Variants in MMP16 observed in about 807,000 individuals in gnomAD.
MMP16 encodes matrix metallopeptidase 16, also known as matrix metalloproteinase-16.
MMP16 carries 12 observed loss-of-function variants against 67.8 expected under a neutral mutation model. The ratio of observed to expected loss-of-function variants is 0.18; its 90% CI spans 0.11 to 0.29. The LOEUF (loss-of-function observed/expected upper bound fraction) is 0.29. Among genes scored for constraint, MMP16 ranks in the 10% least tolerant of loss-of-function variants. The pLI, the probability that MMP16 is intolerant of heterozygous loss-of-function variation, is 1.00. For missense variants in MMP16, 475 were observed against 765.7 expected (o/e 0.62, Z 4.48); for synonymous variants, 249 against 255.9 (o/e 0.97, Z 0.26).
intron 3 of MMP16, among the ~76,000 whole-genome samples, chr8:88,173,684 A>G (rs1808841462): frequency 2.0e-5 from 3 of 152,222 alleles, no homozygotes; most frequent in Admixed American, 6.5e-5. Context: ...TATTCTATCC[A>G]AAGAAAATAA....
At chr8:88,319,586 A>G (rs1563594660) in intron 1 of MMP16, among the ~76,000 whole-genome samples, 2 of 152,144 alleles carry the variant, frequency 1.3e-5, no homozygotes, top group Non-Finnish European at 2.9e-5. Flanking sequence ...CATGGTAGGA[A>G]TTCAACTGTG....
intron 1 of MMP16, among the ~76,000 whole-genome samples, chr8:88,274,181 T>C (rs867193066): frequency 1.3e-5 from 2 of 152,142 alleles, no homozygotes; most frequent in Admixed American, 6.5e-5. Context: ...TAAATTTTTT[T>C]TTCAGGTATG....
At chr8:88,082,637 T>C (rs184707340) in intron 6 of MMP16, among the ~76,000 whole-genome samples, 2 of 152,242 alleles carry the variant, frequency 1.3e-5, no homozygotes, top group Admixed American at 1.3e-4. Flanking sequence ...AGATAAAATA[T>C]AGATATTGCT....
At chr8:88,284,677 T>C in intron 1 of MMP16, among the ~76,000 whole-genome samples, 1 of 152,142 alleles carries the variant, frequency 6.6e-6, no homozygotes, top group South Asian at 2.1e-4. Context: ...CTAAGTGCTA[T>C]TTACTCACCA....
intron 1 of MMP16, among the ~76,000 whole-genome samples, chr8:88,236,639 C>T (rs1291544656): frequency 6.6e-6 from 1 of 152,030 alleles, no homozygotes; most frequent in Non-Finnish European, 1.5e-5. Flanking sequence ...GTCCAAGCTA[C>T]TCTGGAAGCT....
chr8:88,186,800 A>G (rs1809082184), intron 2 of MMP16, among the ~76,000 whole-genome samples: 1 of 152,166 alleles, frequency 6.6e-6, no homozygotes, highest in Admixed American at 6.5e-5. Flanking sequence ...TTCCTGAATT[A>G]TCAAGAATCA....
rs28907579 is a variant in MMP16 at position 88,186,310 on chromosome 8, A to C, written c.404+166T>G. On this transcript the variant is annotated intron_variant, in intron 3 of 9. Coordinates refer to ENST00000286614, the MANE Select transcript of MMP16 (RefSeq NM_005941.5). ...TCAGAGTGTCTACATAGGGTGTCTA[A>C]TGAACAATTTACTCTCCTCTCAATA... is the stretch of plus-strand genomic sequence containing the variant. 5.3e-3 allele frequency: 4,198 copies of C among 789,720 alleles called. 124 individuals carry two copies. In the African/African-American group the frequency reaches 0.058, roughly 11 times the overall value. 48.9% of individuals were successfully genotyped at this position (789,720 alleles called of 1,614,324 possible).
At chr8:88,158,568 C>G (rs1013576535) in intron 4 of MMP16, among the ~76,000 whole-genome samples, 10 of 152,260 alleles carry the variant, frequency 6.6e-5, no homozygotes, top group African/African-American at 2.4e-4. Context: ...CATATTAGCC[C>G]TTTGTCAGAT....
intron 1 of MMP16, among the ~76,000 whole-genome samples, chr8:88,224,783 G>A (rs946337163): frequency 1.3e-5 from 2 of 151,960 alleles, no homozygotes; most frequent in Admixed American, 6.6e-5. Flanking sequence ...GTTAAACAAA[G>A]CTAAGCAGGT....
At chr8:88,326,110 AG>A (rs28907878) in intron 1 of MMP16, among the ~76,000 whole-genome samples, 2,817 of 152,338 alleles carry the variant, frequency 0.018, 74 homozygotes, top group African/African-American at 0.063. Context: ...AGAGGACATC[AG>A]ATCTAATCAA....
chr8:88,191,371 A>C (rs1383929641), intron 2 of MMP16, among the ~76,000 whole-genome samples: 1 of 152,186 alleles, frequency 6.6e-6, no homozygotes, highest in Non-Finnish European at 1.5e-5. Context: ...AACACTTAAA[A>C]TAGTGTCTAG....
At chr8:88,128,118 C>A (rs1022548305) in intron 4 of MMP16, among the ~76,000 whole-genome samples, 4 of 151,900 alleles carry the variant, frequency 2.6e-5, no homozygotes, top group East Asian at 1.9e-4. Context: ...CTGCGGAGAA[C>A]GGCCTCTGTT....
At chr8:88,185,824 A>G (rs1216637735) in intron 3 of MMP16, among the ~76,000 whole-genome samples, 1 of 152,190 alleles carries the variant, frequency 6.6e-6, no homozygotes, top group Non-Finnish European at 1.5e-5. Context: ...CATTGTATTT[A>G]TATGACTGTT....
chr8:88,296,967 C>T (rs1811023361), intron 1 of MMP16, among the ~76,000 whole-genome samples: 1 of 151,118 alleles, frequency 6.6e-6, no homozygotes, highest in Non-Finnish European at 1.5e-5. Flanking sequence ...ATTCAAAATT[C>T]AAAATAACTT....
intron 6 of MMP16, among the ~76,000 whole-genome samples, chr8:88,090,430 T>C (rs1422337275): frequency 2.6e-5 from 4 of 151,958 alleles, no homozygotes; most frequent in Non-Finnish European, 4.4e-5. Context: ...AAAACTATTT[T>C]GTACTGAAAC....
At chr8:88,079,563 C>G (rs1808711743) in intron 6 of MMP16, among the ~76,000 whole-genome samples, 1 of 152,116 alleles carries the variant, frequency 6.6e-6, no homozygotes, top group Non-Finnish European at 1.5e-5. Context: ...ATTTGAATCA[C>G]AAATCATCCA....
chr8:88,115,502 C>T (rs528177898), intron 6 of MMP16, among the ~76,000 whole-genome samples: 38 of 151,816 alleles, frequency 2.5e-4, no homozygotes, highest in Non-Finnish European at 5.0e-4. Context: ...TATATCGAAT[C>T]CAGATCTTAT....
intron 4 of MMP16, among the ~76,000 whole-genome samples, chr8:88,139,034 T>G (rs1808168665): frequency 6.6e-6 from 1 of 152,142 alleles, no homozygotes; most frequent in Non-Finnish European, 1.5e-5. Context: ...GACATAAAAA[T>G]GTTTTTCTGC....
intron 3 of MMP16, among the ~76,000 whole-genome samples, chr8:88,179,876 A>G (rs1372999317): frequency 6.6e-6 from 1 of 152,244 alleles, no homozygotes; most frequent in Non-Finnish European, 1.5e-5. Flanking sequence ...AACTAAAACC[A>G]GAGAAGGCAC....
Sources: gnomAD v4.1 joint callset for allele counts (sites outside exome capture counted in the v4.1 genomes callset) on GRCh38, gnomAD v4.1.1 for gene constraint, MANE v1.5 for transcripts, NCBI Gene and HGNC (gene_info 2026-07-23, HGNC 2026-07-21) for gene names.